Variants in DCN observed in about 807,000 individuals in gnomAD.
DCN encodes decorin.
Under a neutral mutation model 36.5 loss-of-function variants are expected in DCN, and 17 were observed. That is an observed-to-expected ratio of 0.47 (90% CI 0.32 to 0.70). DCN has a LOEUF of 0.70. Among genes scored for constraint, DCN ranks in the 30% least tolerant of loss-of-function variants. The pLI is 0.04. For synonymous variants in DCN, 163 were observed against 161.4 expected, an observed-to-expected ratio of 1.01 and a Z score of -0.07; for missense variants, 389 against 430.1, an observed-to-expected ratio of 0.90 and a Z score of 0.84.
At chr12:91,149,744 A>G (rs1332063148) in intron 7 of DCN, among the ~76,000 whole-genome samples, 1 of 152,236 alleles carries the variant, frequency 6.6e-6, no homozygotes, top group East Asian at 1.9e-4. Context: ...AATTTGGCAT[A>G]GTACCAGGAT....
intron 7 of DCN, chr12:91,151,440 A>C: frequency 1.8e-6 from 1 of 561,708 alleles, no homozygotes; most frequent in African/African-American, 1.9e-5. Flanking sequence ...TTTCATCTCC[A>C]TACTTCTAAA....
intron 1 of DCN, 81 bp downstream of exon 1, chr12:91,182,574 C>G (rs1868450037): frequency 1.3e-5 from 2 of 151,606 alleles, no homozygotes; most frequent in South Asian, 4.2e-4. Flanking sequence ...TTTTTCTCAC[C>G]AAATAATCCC....
chr12:91,164,773 A>C, intron 2 of DCN, 56 bp from the exon 3 acceptor site: 1 of 839,786 alleles, frequency 1.2e-6, no homozygotes, highest in Non-Finnish European at 2.1e-6. Flanking sequence ...TGGCTACAGA[A>C]TCACACAGCA....
intron 3 of DCN, among the ~76,000 whole-genome samples, chr12:91,163,033 A>G (rs1428100338): frequency 6.6e-6 from 1 of 152,220 alleles, no homozygotes; most frequent in Non-Finnish European, 1.5e-5. Flanking sequence ...ACCAGAATGG[A>G]AGTAGACACA....
intron 3 of DCN, among the ~76,000 whole-genome samples, chr12:91,161,609 GAA>G (rs1565780578): frequency 6.6e-6 from 1 of 152,170 alleles, no homozygotes; most frequent in East Asian, 1.9e-4. Context: ...CTCATCAGCG[GAA>G]AGAGACCCAA....
chr12:91,161,306 A>C (rs531452283), intron 3 of DCN, among the ~76,000 whole-genome samples: 1 of 152,368 alleles, frequency 6.6e-6, no homozygotes, highest in South Asian at 2.1e-4. Context: ...ACTTAAGGAT[A>C]TAAAGGGTTT....
rs969308887 is a variant in DCN at position 91,145,592 on chromosome 12, C to G, written c.*466G>C. On this transcript the variant is annotated 3_prime_UTR_variant, in exon 8 of 8. Transcript: ENST00000052754. Reference sequence around the variant, plus strand: ...GACATTAGTAAAAATTTTACATAGCCTGTATTGAATTCACACATTCAAATG... The same window carrying G: ...GACATTAGTAAAAATTTTACATAGCGTGTATTGAATTCACACATTCAAATG... 5.8e-6 allele frequency: 1 copy of G among 173,600 alleles called. No homozygotes were observed. The highest frequency in any genetic ancestry group is 2.4e-5 in the African/African-American group (1 of 41,696). The allele number at this position is 173,600 out of a possible 1,614,324, so 10.8% of individuals were successfully genotyped here.
chr12:91,153,278 A>G, intron 5 of DCN, 89 bp from the exon 6 acceptor site: 1 of 792,390 alleles, frequency 1.3e-6, no homozygotes, highest in Non-Finnish European at 2.3e-6. Flanking sequence ...TATGCCATCA[A>G]TTTTCTAAAA....
chr12:91,150,862 G>A (rs1022034058), intron 7 of DCN: 12 of 152,154 alleles, frequency 7.9e-5, no homozygotes. Flanking sequence ...ATCAATGATA[G>A]ACTGGATAAA....
rs563474692 is a variant in DCN, at chr12:91,155,108, G to T, written c.653-1919C>A. ...TCATGTATTAGATAAGCATAACGAT[G>T]AATAGAAAGGAGGACTTAATATGCC... On this transcript the variant is annotated intron_variant, in intron 5 of 7. Transcript: ENST00000052754. 1.1e-4 allele frequency among the ~76,000 whole-genome samples: 17 copies of T among 152,278 alleles called. No homozygotes were observed. In the East Asian group the frequency reaches 2.5e-3, roughly 22 times the overall value.
At chr12:91,153,888 G>A (rs755271141) in intron 5 of DCN, among the ~76,000 whole-genome samples, 3 of 152,062 alleles carry the variant, frequency 2.0e-5, no homozygotes, top group Non-Finnish European at 4.4e-5. Context: ...TACTTGCATG[G>A]CTGTGATTTC....
chr12:91,140,979 C>T lies in DCN; in HGVS notation c.*5079G>A, dbSNP rs151301161. ...CAAAACAAACCCCATATTTTGATCC[C>T]TTCTCAACAATTTTTCTACTATTAT... On this transcript the variant is annotated 3_prime_UTR_variant, in exon 8 of 8. Transcript: ENST00000052754. 4.8e-3 allele frequency: 732 copies of T among 152,314 alleles called. 3 individuals carry two copies. Among genetic ancestry groups the T allele is most frequent in the Non-Finnish European group, 7.2e-3 (493 of 68,060 alleles). 9.4% of individuals were successfully genotyped at this position (152,314 alleles called of 1,614,324 possible).
At chr12:91,178,316 G>A (rs1441183795) in intron 2 of DCN, 26 bp downstream of exon 2, 4 of 1,589,810 alleles carry the variant, frequency 2.5e-6, no homozygotes, top group African/African-American at 1.3e-5. Flanking sequence ...AGTAAGGTAG[G>A]TAAAGAGAAA....
chr12:91,167,801 A>G (rs1295207993), intron 2 of DCN, among the ~76,000 whole-genome samples: 1 of 152,226 alleles, frequency 6.6e-6, no homozygotes, highest in East Asian at 1.9e-4. Context: ...GGATAGTTTG[A>G]GTCCTCACTC....
intron 5 of DCN, among the ~76,000 whole-genome samples, chr12:91,155,149 T>C (rs753987881): frequency 5.9e-5 from 9 of 152,126 alleles, no homozygotes; most frequent in Non-Finnish European, 1.2e-4. Context: ...AGTGAAATAG[T>C]TAAACACACG....
chr12:91,160,870 A>G (rs968996103), intron 3 of DCN, among the ~76,000 whole-genome samples: 1 of 152,164 alleles, frequency 6.6e-6, no homozygotes, highest in Admixed American at 6.5e-5. Flanking sequence ...GAACAATTAT[A>G]TAGTTTTTCC....
chr12:91,144,676 C>T lies in DCN; in HGVS notation c.*1382G>A, dbSNP rs926630494. 12 of 152,038 alleles carry T rather than the reference C, an allele frequency of 7.9e-5. No homozygotes were observed. Among genetic ancestry groups the T allele is most frequent in the Admixed American group, 2.6e-4 (4 of 15,254 alleles). 9.4% of individuals were successfully genotyped at this position (152,038 alleles called of 1,614,324 possible). A position where few individuals can be genotyped will look rare whatever the true frequency, so the allele number is the denominator to read the frequency against. On this transcript the variant is annotated 3_prime_UTR_variant, in exon 8 of 8. Transcript: ENST00000052754. ...TATGCCAACCTGTCAGAGGTGTGTC[C>T]CAGCATACGTCTTGGATTTTGAACT...
intron 2 of DCN, chr12:91,172,011 T>G (rs1882990655): frequency 6.6e-6 from 1 of 152,176 alleles, no homozygotes; most frequent in South Asian, 2.1e-4. Flanking sequence ...GTAGCCTGGA[T>G]TAGACATTTG....
At chr12:91,164,820 T>C (rs1430272096) in intron 2 of DCN, 103 bp from the exon 3 acceptor site, 5 of 712,126 alleles carry the variant, frequency 7.0e-6, no homozygotes, top group Non-Finnish European at 1.3e-5. Context: ...GATGATCATC[T>C]TAACAGTAAC....
Sources: allele counts gnomAD v4.1 joint callset (sites outside exome capture counted in the v4.1 genomes callset), GRCh38; gene constraint gnomAD v4.1.1; transcripts MANE v1.5; gene names NCBI Gene and HGNC (gene_info 2026-07-23, HGNC 2026-07-21).